DGKB: variants seen among roughly 807,000 people sequenced by gnomAD.
The protein encoded by DGKB is 90 kDa diacylglycerol kinase.
A neutral mutation model predicts 114.3 loss-of-function variants in DGKB; 67 were observed. That is an observed-to-expected ratio of 0.59 (90% CI 0.48 to 0.72). The LOEUF is 0.72. Ranked by LOEUF, DGKB falls within the 30% of genes least tolerant of loss-of-function variation. The pLI, the probability that DGKB is intolerant of heterozygous loss-of-function variation, is 0.00. For synonymous variants in DGKB, 398 were observed against 323.1 expected (o/e 1.23, Z -2.49); for missense variants, 907 against 975.2 (o/e 0.93, Z 0.93).
intron 23 of DGKB, among the ~76,000 whole-genome samples, chr7:14,296,525 T>A (rs1308854374): frequency 6.6e-6 from 1 of 152,172 alleles, no homozygotes; most frequent in East Asian, 1.9e-4. Context: ...TAGCCACTAA[T>A]GGGATTGCTG....
intron 9 of DGKB, 88 bp from the exon 10 acceptor site, chr7:14,685,450 AGCATGTGAAGACAATCTG>A: frequency 1.1e-6 from 1 of 926,656 alleles, no homozygotes; most frequent in South Asian, 1.5e-5. Context: ...GCTGGACTGA[AGCATGTGAAGACAATCTG>A]TTATTTCATC....
At chr7:14,846,169 A>T (rs556965497) in intron 1 of DGKB, among the ~76,000 whole-genome samples, 1 of 152,338 alleles carries the variant, frequency 6.6e-6, no homozygotes, top group Non-Finnish European at 1.5e-5. Flanking sequence ...TGATATTTAC[A>T]AAATAATGGT....
intron 17 of DGKB, among the ~76,000 whole-genome samples, chr7:14,597,186 C>T (rs1462772878): frequency 6.6e-6 from 1 of 151,864 alleles, no homozygotes; most frequent in Admixed American, 6.6e-5. Context: ...CCAGCCTGGG[C>T]GACAGAGCAA....
intron 1 of DGKB, among the ~76,000 whole-genome samples, chr7:14,949,694 C>T (rs1786070175): frequency 6.6e-6 from 1 of 151,682 alleles, no homozygotes; most frequent in Non-Finnish European, 1.5e-5. Flanking sequence ...AAGAGATGAA[C>T]ACAGGCATAC....
intron 4 of DGKB, among the ~76,000 whole-genome samples, chr7:14,740,987 A>T (rs910756031): frequency 7.9e-5 from 12 of 152,136 alleles, no homozygotes; most frequent in Non-Finnish European, 1.8e-4. Context: ...CTCTTTCTAG[A>T]TGAGTAGCCA....
At chr7:14,549,919 G>C (rs1182962118) in intron 20 of DGKB, among the ~76,000 whole-genome samples, 1 of 151,970 alleles carries the variant, frequency 6.6e-6, no homozygotes, top group Non-Finnish European at 1.5e-5. Context: ...ACCCTGGGAG[G>C]TGGAGGTTGC....
At chr7:14,915,892 G>C (rs1037621871) in intron 1 of DGKB, among the ~76,000 whole-genome samples, 19 of 152,074 alleles carry the variant, frequency 1.2e-4, no homozygotes, top group African/African-American at 4.1e-4. Context: ...ATTTATCAAA[G>C]AAAGAGTATC....
intron 9 of DGKB, among the ~76,000 whole-genome samples, chr7:14,686,018 T>C (rs780296465): frequency 1.4e-4 from 21 of 152,136 alleles, no homozygotes; most frequent in Non-Finnish European, 2.8e-4. Context: ...TATGTTACCA[T>C]TTTGTTTACC....
chr7:14,739,226 C>A (rs973033999), intron 4 of DGKB, among the ~76,000 whole-genome samples: 6 of 152,220 alleles, frequency 3.9e-5, no homozygotes, highest in African/African-American at 1.4e-4. Context: ...GAACCTCCAA[C>A]CTGCCCAGGT....
chr7:14,718,966 T>C, intron 5 of DGKB: 1 of 236,660 alleles, frequency 4.2e-6, no homozygotes, highest in East Asian at 8.9e-5. Flanking sequence ...TGGTACACAT[T>C]TGAATGCTTG....
chr7:14,937,460 AT>A (rs1407959940), intron 1 of DGKB, among the ~76,000 whole-genome samples: 3 of 152,116 alleles, frequency 2.0e-5, no homozygotes, highest in Admixed American at 1.3e-4. Flanking sequence ...CTCCAAGTTT[AT>A]TTTTTTAAAT....
intron 13 of DGKB, among the ~76,000 whole-genome samples, chr7:14,643,819 A>G (rs920420389): frequency 6.6e-6 from 1 of 152,152 alleles, no homozygotes; most frequent in Admixed American, 6.5e-5. Flanking sequence ...CAGTGCCCCA[A>G]TGTGTGCCAT....
intron 6 of DGKB, among the ~76,000 whole-genome samples, chr7:14,706,229 A>C (rs548853228): frequency 1.4e-5 from 2 of 145,798 alleles, no homozygotes; most frequent in African/African-American, 5.2e-5. Flanking sequence ...AGGCCATTAC[A>C]TAATGGTAAA....
At chr7:14,956,781 G>A (rs1786528236) in intron 1 of DGKB, among the ~76,000 whole-genome samples, 1 of 151,956 alleles carries the variant, frequency 6.6e-6, no homozygotes, top group Non-Finnish European at 1.5e-5. Flanking sequence ...AAGATCCGTA[G>A]GTGTCAGCAT....
At chr7:14,891,317 A>G (rs1781192907) in intron 1 of DGKB, among the ~76,000 whole-genome samples, 1 of 151,494 alleles carries the variant, frequency 6.6e-6, no homozygotes, top group South Asian at 2.1e-4. Flanking sequence ...GCTTTATGAG[A>G]TAACTCATCA....
chr7:14,230,302 C>CT (rs946576965), intron 23 of DGKB, among the ~76,000 whole-genome samples: 29 of 151,934 alleles, frequency 1.9e-4, no homozygotes, highest in African/African-American at 6.5e-4. Context: ...TTGATGAATG[C>CT]TTTTTTTGCC....
intron 12 of DGKB, among the ~76,000 whole-genome samples, chr7:14,682,046 T>A (rs1820926064): frequency 1.0e-5 from 1 of 99,302 alleles, no homozygotes; most frequent in Non-Finnish European, 1.9e-5. Context: ...TCAAGGACAA[T>A]CTGCTTAACT....
At chr7:14,466,180 A>G (rs1188595238) in intron 21 of DGKB, among the ~76,000 whole-genome samples, 2 of 152,186 alleles carry the variant, frequency 1.3e-5, no homozygotes, top group East Asian at 1.9e-4. Context: ...CTTATCTTTC[A>G]TTGAAAAATA....
chr7:14,660,344 C>T (rs1199204054), intron 13 of DGKB, among the ~76,000 whole-genome samples: 1 of 151,778 alleles, frequency 6.6e-6, no homozygotes, highest in Admixed American at 6.6e-5. Flanking sequence ...TAGAATTCGG[C>T]TGTGAATCCA....
Sources: allele counts gnomAD v4.1 joint callset (sites outside exome capture counted in the v4.1 genomes callset), GRCh38; gene constraint gnomAD v4.1.1; transcripts MANE v1.5; gene names NCBI Gene and HGNC (gene_info 2026-07-23, HGNC 2026-07-21).